Variants in SEMA3A observed in about 807,000 individuals in gnomAD.
The protein encoded by SEMA3A is semaphorin 3A, also known as semaphorin-3A.
SEMA3A carries 29 observed loss-of-function variants against 97.9 expected under a neutral mutation model. That is an observed-to-expected ratio of 0.30 (90% CI 0.22 to 0.40). The LOEUF (loss-of-function observed/expected upper bound fraction) is 0.40. Among genes scored for constraint, SEMA3A ranks in the 10% least tolerant of loss-of-function variants. The pLI is 1.00. For missense variants in SEMA3A, 763 were observed against 951.3 expected, an observed-to-expected ratio of 0.80 and a Z score of 2.60; for synonymous variants, 321 against 323.7, an observed-to-expected ratio of 0.99 and a Z score of 0.09.
intron 2 of SEMA3A, among the ~76,000 whole-genome samples, chr7:84,352,584 ACTATTT>A (rs1244539577): frequency 6.6e-6 from 1 of 151,740 alleles, no homozygotes. Flanking sequence ...TTAAAGTAGA[ACTATTT>A]CTAGAATGAA....
chr7:84,210,719 C>T (rs181764183), intron 3 of SEMA3A, among the ~76,000 whole-genome samples: 169 of 151,846 alleles, frequency 1.1e-3, no homozygotes, highest in African/African-American at 4.0e-3. Context: ...TGCAGGTTTT[C>T]TCTTTTTTCT....
intron 15 of SEMA3A, among the ~76,000 whole-genome samples, chr7:83,975,842 T>C (rs1789129214): frequency 6.6e-6 from 1 of 152,170 alleles, no homozygotes; most frequent in African/African-American, 2.4e-5. Flanking sequence ...ATGAAACAGA[T>C]TATGAAAGAT....
intron 3 of SEMA3A, among the ~76,000 whole-genome samples, chr7:84,271,491 C>A (rs1235319810): frequency 6.6e-6 from 1 of 152,096 alleles, no homozygotes; most frequent in African/African-American, 2.4e-5. Flanking sequence ...TCTGGACAAC[C>A]ACATTCACTA....
At chr7:84,226,034 T>C (rs1798983390) in intron 3 of SEMA3A, among the ~76,000 whole-genome samples, 1 of 152,134 alleles carries the variant, frequency 6.6e-6, no homozygotes, top group Non-Finnish European at 1.5e-5. Context: ...TCAATATGCA[T>C]ATTGCATATA....
At chr7:84,312,712 T>C (rs1439949971) in intron 2 of SEMA3A, among the ~76,000 whole-genome samples, 1 of 149,632 alleles carries the variant, frequency 6.7e-6, no homozygotes, top group African/African-American at 2.4e-5. Flanking sequence ...AGAATCCTTA[T>C]TAGTTGATTT....
At chr7:84,161,229 T>G (rs1282718578) in intron 1 of SEMA3A, among the ~76,000 whole-genome samples, 2 of 151,660 alleles carry the variant, frequency 1.3e-5, no homozygotes, top group Non-Finnish European at 2.9e-5. Context: ...CCAGGTGTTG[T>G]GGCGGGCTCC....
intron 1 of SEMA3A, among the ~76,000 whole-genome samples, chr7:84,453,255 T>C (rs1465879397): frequency 6.6e-6 from 1 of 150,500 alleles, no homozygotes; most frequent in Non-Finnish European, 1.5e-5. Context: ...TTTTTTTTTT[T>C]GAGACGGAGT....
intron 2 of SEMA3A, among the ~76,000 whole-genome samples, chr7:84,314,505 A>G (rs984675935): frequency 6.6e-6 from 1 of 152,138 alleles, no homozygotes; most frequent in Non-Finnish European, 1.5e-5. Flanking sequence ...TAAGACTAGT[A>G]TGTCTCAGAT....
intron 15 of SEMA3A, among the ~76,000 whole-genome samples, chr7:83,975,631 TA>T (rs1039765466): frequency 4.6e-5 from 7 of 152,086 alleles, no homozygotes; most frequent in Admixed American, 1.3e-4. Flanking sequence ...AACCTAGAAA[TA>T]TACAACAAGC....
At position 84,469,455 on chromosome 7, in the gene SEMA3A, C is replaced by T. The variant is rs898258007; in HGVS notation, c.-246+23005G>A. On this transcript the variant is annotated intron_variant, in intron 1 of 3. Transcript: ENST00000424555. Reference sequence around the variant, plus strand: ...TAAGGTATAGTGTAATGATATTTTTCCAGCAGCTGCTTTCACTTGGATTTA... The same window carrying T: ...TAAGGTATAGTGTAATGATATTTTTTCAGCAGCTGCTTTCACTTGGATTTA... Among the ~76,000 whole-genome samples the T allele has an allele frequency of 2.0e-5, 3 of 152,240 alleles. No individual in the cohort carries two copies. In the East Asian group the frequency reaches 5.8e-4, roughly 29 times the overall value.
At chr7:84,037,766 A>T (rs1383103187) in intron 6 of SEMA3A, among the ~76,000 whole-genome samples, 1 of 152,048 alleles carries the variant, frequency 6.6e-6, no homozygotes, top group African/African-American at 2.4e-5. Context: ...ATAGATTTTT[A>T]AAGTAATAAT....
At chr7:84,137,138 T>C (rs2040872) in intron 1 of SEMA3A, among the ~76,000 whole-genome samples, 122,988 of 152,076 alleles carry the variant, frequency 0.81, 49,783 homozygotes, top group East Asian at 0.93. Context: ...CGGTGGCTCA[T>C]GCCTGTAATC....
intron 1 of SEMA3A, among the ~76,000 whole-genome samples, chr7:84,432,240 G>C (rs1804999189): frequency 6.6e-6 from 1 of 152,086 alleles, no homozygotes; most frequent in Non-Finnish European, 1.5e-5. Context: ...GTGTTGCAGA[G>C]AGAAAAACAG....
At chr7:83,971,211 G>A (rs1678567670) in intron 15 of SEMA3A, among the ~76,000 whole-genome samples, 1 of 152,060 alleles carries the variant, frequency 6.6e-6, no homozygotes, top group Admixed American at 6.6e-5. Context: ...GATCACCTGA[G>A]GTCAGGAGTT....
intron 3 of SEMA3A, among the ~76,000 whole-genome samples, chr7:84,237,759 T>C (rs1230920832): frequency 6.6e-6 from 1 of 152,112 alleles, no homozygotes; most frequent in East Asian, 1.9e-4. Flanking sequence ...CATCCTGCTC[T>C]GTAGTTTATG....
At chr7:84,058,188 G>A (rs1244071236) in intron 5 of SEMA3A, among the ~76,000 whole-genome samples, 1 of 152,162 alleles carries the variant, frequency 6.6e-6, no homozygotes, top group Non-Finnish European at 1.5e-5. Context: ...GGGGAAGGAA[G>A]AAGCCTAGAA....
chr7:84,193,616 A>G (rs1798118184), intron 1 of SEMA3A, among the ~76,000 whole-genome samples: 1 of 152,084 alleles, frequency 6.6e-6, no homozygotes, highest in Non-Finnish European at 1.5e-5. Context: ...GCTCTACTTT[A>G]GCATTACTTT....
intron 6 of SEMA3A, among the ~76,000 whole-genome samples, chr7:84,017,795 T>G (rs1451452822): frequency 1.3e-5 from 2 of 152,152 alleles, no homozygotes; most frequent in African/African-American, 4.8e-5. Context: ...ATCCCCTCAC[T>G]GATGAATCAC....
intron 3 of SEMA3A, among the ~76,000 whole-genome samples, chr7:84,257,380 T>TA (rs1157588289): frequency 2.0e-5 from 3 of 152,182 alleles, no homozygotes; most frequent in Non-Finnish European, 4.4e-5. Context: ...TTTTAAAACT[T>TA]ACATTTTTTT....
Sources: gnomAD v4.1 joint callset for allele counts (sites outside exome capture counted in the v4.1 genomes callset) on GRCh38, gnomAD v4.1.1 for gene constraint, MANE v1.5 for transcripts, NCBI Gene and HGNC (gene_info 2026-07-23, HGNC 2026-07-21) for gene names.